The following PXDNL variants were observed in gnomAD, a reference collection of about 807,000 sequenced individuals.
PXDNL encodes the protein peroxidasin like, also known as probable oxidoreductase PXDNL.
Under a neutral mutation model 150.8 loss-of-function variants are expected in PXDNL, and 145 were observed. That is an observed-to-expected ratio of 0.96 (90% CI 0.84 to 1.10). PXDNL has a LOEUF of 1.10. PXDNL is among the 50% of genes least tolerant of loss of function. The pLI is 0.00. For missense variants in PXDNL, 2,087 were observed against 1,873.9 expected (o/e 1.11, Z -2.10); for synonymous variants, 757 against 725.7 (o/e 1.04, Z -0.69).
intron 1 of PXDNL, among the ~76,000 whole-genome samples, chr8:51,702,873 TC>T (rs1207548052): frequency 6.6e-6 from 1 of 152,120 alleles, no homozygotes; most frequent in Non-Finnish European, 1.5e-5. Context: ...AAAGAAAACT[TC>T]CGGGGTCTGT....
intron 1 of PXDNL, among the ~76,000 whole-genome samples, chr8:51,780,861 T>C (rs2037407921): frequency 6.6e-6 from 1 of 151,978 alleles, no homozygotes; most frequent in African/African-American, 2.4e-5. Context: ...GGTCTTGCCA[T>C]GTTGGCCAGG....
At chr8:51,430,679 C>G (rs1267539667) in intron 12 of PXDNL, among the ~76,000 whole-genome samples, 1 of 151,996 alleles carries the variant, frequency 6.6e-6, no homozygotes, top group East Asian at 1.9e-4. Flanking sequence ...AATAAAGTCT[C>G]TGCTTCAAAT....
intron 1 of PXDNL, among the ~76,000 whole-genome samples, chr8:51,767,265 C>T (rs901418614): frequency 5.9e-5 from 9 of 151,734 alleles, no homozygotes; most frequent in African/African-American, 2.2e-4. Context: ...TCTGTCTCTC[C>T]CCCTCTTTCT....
intron 8 of PXDNL, among the ~76,000 whole-genome samples, chr8:51,459,502 A>G (rs1039701106): frequency 1.3e-5 from 2 of 152,242 alleles, no homozygotes; most frequent in African/African-American, 4.8e-5. Flanking sequence ...AGAATTCACC[A>G]GGATTCATTA....
rs1416048392 is a variant in PXDNL, at chr8:51,472,194, G to C, written c.805C>G (p.His269Asp). ...TCCATGCTCAGTATTTACTTGTTGTGTATCCAAATAATCTCAGGTTTGGGG... is the reference window on the plus strand; with the variant it reads ...TCCATGCTCAGTATTTACTTGTTGTCTATCCAAATAATCTCAGGTTTGGGG... ...GNPKPEIIWI[H>D]NNHSLDLEDD... The change falls in exon 8 of 23, where the codon CAC (histidine) becomes GAC (aspartate). Residue 269 changes from histidine to aspartate, a missense_variant. Transcript: ENST00000356297. The C allele has an allele frequency of 6.2e-7, 1 of 1,605,192 alleles. No homozygotes were observed. Among genetic ancestry groups the C allele is most frequent in the Non-Finnish European group, 8.5e-7 (1 of 1,172,008 alleles).
chr8:51,646,247 G>A, intron 2 of PXDNL, among the ~76,000 whole-genome samples: 1 of 152,154 alleles, frequency 6.6e-6, no homozygotes, highest in East Asian at 1.9e-4. Flanking sequence ...AAAGGCCAGT[G>A]AGGATGCAGG....
At chr8:51,493,568 A>G (rs1810954719) in intron 5 of PXDNL, among the ~76,000 whole-genome samples, 1 of 152,202 alleles carries the variant, frequency 6.6e-6, no homozygotes, top group Non-Finnish European at 1.5e-5. Context: ...AGAATAACCA[A>G]TGCAGAGAAG....
At chr8:51,320,712 T>G in intron 22 of PXDNL, 72 bp downstream of exon 22, 1 of 1,094,424 alleles carries the variant, frequency 9.1e-7, no homozygotes, top group Non-Finnish European at 1.4e-6. Context: ...CCTTTTGAAT[T>G]TTTCAAGTAT....
intron 4 of PXDNL, among the ~76,000 whole-genome samples, chr8:51,543,710 C>CAAAAAAAAAAAAAAAAAAA (rs572642373): frequency 1.7e-5 from 1 of 60,442 alleles, no homozygotes; most frequent in Non-Finnish European, 3.8e-5. Flanking sequence ...GACTCCATAT[C>CAAAAAAAAAAAAAAAAAAA]AAAAAAAAAA....
In PXDNL at chr8:51,598,488, T is replaced by G. The variant is rs139157335; in HGVS notation, c.237-5790A>C. Among the ~76,000 whole-genome samples the G allele has an allele frequency of 7.2e-3, 1,097 of 152,278 alleles. 14 individuals carry two copies. The highest frequency in any genetic ancestry group is 0.025 in the African/African-American group (1,046 of 41,562). ...GCTCTTTCTGCATTTATTAAGATTA[T>G]CATATGGTTTTTCTTTTTTAATTCT... is the stretch of plus-strand genomic sequence containing the variant. On this transcript the variant is annotated intron_variant, in intron 2 of 22. Coordinates refer to ENST00000356297, the MANE Select transcript of PXDNL (RefSeq NM_144651.5).
At chr8:51,539,959 G>T (rs112170760) in intron 4 of PXDNL, among the ~76,000 whole-genome samples, 1,935 of 149,060 alleles carry the variant, frequency 0.013, 47 homozygotes, top group African/African-American at 0.046. Flanking sequence ...TTTAGACAGA[G>T]TCTCACTCTG....
intron 4 of PXDNL, among the ~76,000 whole-genome samples, chr8:51,520,594 G>C (rs1229617687): frequency 1.3e-5 from 2 of 152,148 alleles, no homozygotes; most frequent in Non-Finnish European, 2.9e-5. Context: ...CTATGGGTCA[G>C]AGTGAGAAAA....
At chr8:51,533,543 A>G (rs1222738491) in intron 4 of PXDNL, among the ~76,000 whole-genome samples, 31 of 123,708 alleles carry the variant, frequency 2.5e-4, no homozygotes, top group Admixed American at 1.1e-3. Context: ...TCTGATGCCG[A>G]GCCAAAGCTG....
chr8:51,500,071 T>C (rs1002287855), intron 4 of PXDNL, among the ~76,000 whole-genome samples: 5 of 152,330 alleles, frequency 3.3e-5, no homozygotes, highest in Admixed American at 6.5e-5. Context: ...ATTACTCTTT[T>C]ATTCATTAAA....
intron 4 of PXDNL, among the ~76,000 whole-genome samples, chr8:51,517,681 T>C (rs1393898854): frequency 6.6e-6 from 1 of 152,260 alleles, no homozygotes; most frequent in Non-Finnish European, 1.5e-5. Context: ...TATCAAGGGA[T>C]AATTTTATAT....
At chr8:51,524,902 T>G (rs1435992201) in intron 4 of PXDNL, among the ~76,000 whole-genome samples, 1 of 152,126 alleles carries the variant, frequency 6.6e-6, no homozygotes, top group Non-Finnish European at 1.5e-5. Flanking sequence ...TGAACAAGCT[T>G]AAGGTTAGAA....
intron 4 of PXDNL, among the ~76,000 whole-genome samples, chr8:51,555,112 T>C (rs1812573494): frequency 6.6e-6 from 1 of 152,184 alleles, no homozygotes; most frequent in Non-Finnish European, 1.5e-5. Context: ...CAGAAATTCG[T>C]TGGCTCACAA....
At position 51,470,635 on chromosome 8, in the gene PXDNL, A is replaced by T. The variant is rs901768068; in HGVS notation, c.812+1552T>A. 3.3e-5 allele frequency among the ~76,000 whole-genome samples: 5 copies of T among 152,136 alleles called. No individual in the cohort carries two copies. The East Asian group carries it at 9.6e-4, about 29-fold the overall frequency. On this transcript the variant is annotated intron_variant, in intron 8 of 22. Transcript: ENST00000356297. ...AACTACCAGTTCAGTTTTAAAACAG[A>T]TATACAAACCAATGGAACAGAACAG...
intron 1 of PXDNL, among the ~76,000 whole-genome samples, chr8:51,784,361 T>C (rs576581823): frequency 1.3e-5 from 2 of 152,316 alleles, no homozygotes; most frequent in African/African-American, 4.8e-5. Context: ...TTTTCTATTG[T>C]TTTTACGAAT....
Sources: allele counts gnomAD v4.1 joint callset (sites outside exome capture counted in the v4.1 genomes callset), GRCh38; gene constraint gnomAD v4.1.1; transcripts MANE v1.5; gene names NCBI Gene and HGNC (gene_info 2026-07-23, HGNC 2026-07-21).